SSBP1: variants seen among roughly 807,000 people sequenced by gnomAD.
SSBP1 encodes single stranded DNA binding protein 1.
SSBP1 carries 20 observed loss-of-function variants against 27.0 expected under a neutral mutation model. The observed-to-expected ratio is 0.74, with a 90% CI of 0.52 to 1.08. The LOEUF (loss-of-function observed/expected upper bound fraction) is 1.08. Among genes scored for constraint, SSBP1 ranks in the 50% least tolerant of loss-of-function variants. The pLI, the probability that SSBP1 is intolerant of heterozygous loss-of-function variation, is 0.00. For missense variants in SSBP1, 137 were observed against 182.4 expected (o/e 0.75, Z 1.44); for synonymous variants, 59 against 59.3 (o/e 1.00, Z 0.02).
At chr7:141,743,068 T>G in intron 3 of SSBP1, among the ~76,000 whole-genome samples, 1 of 152,190 alleles carries the variant, frequency 6.6e-6, no homozygotes, top group African/African-American at 2.4e-5. Flanking sequence ...TTAGCCAGCA[T>G]GGTCTCTCTC....
intron 3 of SSBP1, 63 bp from the exon 4 acceptor site, chr7:141,743,498 G>A: frequency 1.9e-6 from 3 of 1,563,652 alleles, no homozygotes; most frequent in Non-Finnish European, 1.7e-6. Context: ...AATTTTGGGG[G>A]AAGGGGCACA....
chr7:141,742,849 T>A (rs1220728006), intron 3 of SSBP1, among the ~76,000 whole-genome samples: 1 of 152,196 alleles, frequency 6.6e-6, no homozygotes, highest in African/African-American at 2.4e-5. Context: ...TCTCTCAGTC[T>A]TGAGTGTGGA....
rs748843915 is a variant in SSBP1 at position 141,743,578 on chromosome 7, T to C, written c.103T>C (p.Leu35=). The C allele has an allele frequency of 8.1e-6, 13 of 1,614,024 alleles. No individual in the cohort carries two copies. The Admixed American group carries it at 2.2e-4, about 27-fold the overall frequency. ...TGTTTCAGCCCTGAATCGTGTGCAC[T>C]TACTTGGGCGAGTGGGTCAGGACCC... ...VLERSLNRVH[L]LGRVGQDPVL... The change falls in exon 4 of 7, where the codon TTA becomes CTA. Residue 35 remains leucine, a synonymous_variant. Transcript: ENST00000265304.
intron 2 of SSBP1, chr7:141,739,827 ACT>A (rs1297001760): frequency 1.3e-5 from 2 of 151,054 alleles, no homozygotes; most frequent in African/African-American, 4.9e-5. Context: ...TTCCTCCATG[ACT>A]CTGTCATTTT....
intron 2 of SSBP1, chr7:141,741,407 C>T (rs1005644248): frequency 6.6e-6 from 1 of 152,258 alleles, no homozygotes; most frequent in Non-Finnish European, 1.5e-5. Context: ...TACTAGTCCT[C>T]AGCCCTGGAG....
In SSBP1 at chr7:141,743,991, TAAGTTGAAGAGGG is replaced by T; in HGVS notation, c.314+6_314+18del. On this transcript the variant is annotated splice_donor_5th_base_variant and intron_variant, in intron 5 of 6. Transcript: ENST00000265304. ...GGCATATCAATATGTGAAAAAGGGG[TAAGTTGAAGAGGG>T]AAGGATCTTATGAATTGAATGATTT... is the stretch of plus-strand genomic sequence containing the variant. The T allele has an allele frequency of 6.2e-7, 1 of 1,611,288 alleles. No individual in the cohort carries two copies.
intron 6 of SSBP1, among the ~76,000 whole-genome samples, chr7:141,746,730 G>A (rs555248965): frequency 7.2e-5 from 11 of 152,286 alleles, no homozygotes; most frequent in African/African-American, 2.6e-4. Flanking sequence ...ATATCCCTTA[G>A]GAAAGAGTTT....
At chr7:141,739,879 C>T (rs1038443518) in intron 2 of SSBP1, 3 of 152,176 alleles carry the variant, frequency 2.0e-5, no homozygotes, top group Non-Finnish European at 2.9e-5. Context: ...CCACTTTAAC[C>T]TGTATGTATC....
At chr7:141,739,822 C>T (rs1799454487) in intron 2 of SSBP1, 1 of 152,202 alleles carries the variant, frequency 6.6e-6, no homozygotes, top group Non-Finnish European at 1.5e-5. Context: ...ACCAGTTCCT[C>T]CATGACTCTG....
intron 4 of SSBP1, 98 bp downstream of exon 4, chr7:141,743,799 T>C: frequency 1.3e-6 from 2 of 1,540,520 alleles, no homozygotes; most frequent in Non-Finnish European, 1.8e-6. Context: ...TTAAACAAGA[T>C]CTGTCTTTCA....
intron 6 of SSBP1, among the ~76,000 whole-genome samples, chr7:141,748,603 A>G (rs1799866016): frequency 6.6e-6 from 1 of 151,958 alleles, no homozygotes; most frequent in Non-Finnish European, 1.5e-5. Context: ...GATTGTTCGG[A>G]TTATTGAGTT....
intron 2 of SSBP1, among the ~76,000 whole-genome samples, 168 bp from the exon 3 acceptor site, chr7:141,742,001 G>A (rs1799553288): frequency 6.6e-6 from 1 of 152,184 alleles, no homozygotes; most frequent in South Asian, 2.1e-4. Context: ...TGAAGTGTTT[G>A]CCGGGGCCTT....
At chr7:141,748,789 T>C (rs1308953842) in intron 6 of SSBP1, among the ~76,000 whole-genome samples, 1 of 152,210 alleles carries the variant, frequency 6.6e-6, no homozygotes, top group African/African-American at 2.4e-5. Context: ...GTTGATCTGT[T>C]TTATTGGTGA....
At chr7:141,743,512 A>G (rs752592622) in intron 3 of SSBP1, 49 bp from the exon 4 acceptor site, 8 of 1,597,212 alleles carry the variant, frequency 5.0e-6, no homozygotes, top group African/African-American at 2.7e-5. Context: ...GGGCACAACT[A>G]TTCAGTCTAT....
intron 4 of SSBP1, 100 bp from the exon 5 acceptor site, chr7:141,743,802 G>A: frequency 6.5e-7 from 1 of 1,540,038 alleles, no homozygotes; most frequent in South Asian, 1.2e-5. Flanking sequence ...AACAAGATCT[G>A]TCTTTCATTC....
intron 6 of SSBP1, chr7:141,745,818 A>G: frequency 7.8e-7 from 1 of 1,275,370 alleles, no homozygotes; most frequent in Non-Finnish European, 9.9e-7. Flanking sequence ...ACTTTTGAAT[A>G]AAGCCTAAAA....
chr7:141,739,294 C>T (rs1350204071), intron 2 of SSBP1, 104 bp downstream of exon 2: 159 of 834,986 alleles, frequency 1.9e-4, no homozygotes, highest in Non-Finnish European at 2.7e-4. Context: ...CCTTTGAGCT[C>T]ACCCACCCAC....
At chr7:141,745,748 T>G in intron 6 of SSBP1, 164 bp downstream of exon 6, 1 of 1,360,788 alleles carries the variant, frequency 7.3e-7, no homozygotes, top group South Asian at 2.1e-5. Context: ...GCTAAGAGTT[T>G]GTACATTTAT....
At chr7:141,740,641 A>G (rs552579229) in intron 2 of SSBP1, 2 of 152,328 alleles carry the variant, frequency 1.3e-5, no homozygotes, top group Admixed American at 6.5e-5. Context: ...GATTGCTGCT[A>G]TTATGTGGTA....
Sources: gnomAD v4.1 joint callset for allele counts (sites outside exome capture counted in the v4.1 genomes callset) on GRCh38, gnomAD v4.1.1 for gene constraint, MANE v1.5 for transcripts, NCBI Gene and HGNC (gene_info 2026-07-23, HGNC 2026-07-21) for gene names.